SRPX2: variants seen among roughly 807,000 people sequenced by gnomAD.
SRPX2 encodes the protein sushi repeat-containing protein SRPX2.
SRPX2 carries 26 observed loss-of-function variants against 45.3 expected under a neutral mutation model. That is an observed-to-expected ratio of 0.57 (90% CI 0.42 to 0.80). The LOEUF (loss-of-function observed/expected upper bound fraction) is 0.80, where lower values mean the gene tolerates loss of function less well. Among genes scored for constraint, SRPX2 ranks in the 30% least tolerant of loss-of-function variants. The pLI is 0.00. For missense variants in SRPX2, 355 were observed against 399.8 expected (o/e 0.89, Z 0.95); for synonymous variants, 125 against 143.7 (o/e 0.87, Z 0.93).
In SRPX2 at chrX:100,666,865, G is replaced by T; in HGVS notation, c.893G>T (p.Arg298Leu). ...TACCACTGTGATGGCGGTTATGATCGCCAGGGGACACCCTCCCGGGTCTGT... is the reference window on the plus strand; with the variant it reads ...TACCACTGTGATGGCGGTTATGATCTCCAGGGGACACCCTCCCGGGTCTGT... The part of the protein sequence containing the change: ...CEYHCDGGYD[R>L]QGTPSRVCQS... Residue 298 changes from arginine to leucine, a missense_variant, in exon 8 of 11, where the codon CGC becomes CTC. Arg to Leu is a moderately radical substitution (Grantham distance 102). Coordinates refer to ENST00000373004, the MANE Select transcript of SRPX2 (RefSeq NM_014467.3). The T allele has an allele frequency of 8.3e-7, 1 of 1,211,592 alleles. No individual in the cohort carries two copies. Among genetic ancestry groups the T allele is most frequent in the Non-Finnish European group, 1.1e-6 (1 of 895,537 alleles).
rs1425478165 is a variant in SRPX2 at position 100,656,861 on chromosome X, G to A, written c.164-5315G>A. Among the ~76,000 whole-genome samples, 4 of 110,901 alleles carry A rather than the reference G, an allele frequency of 3.6e-5. No individual in the cohort carries two copies. In the East Asian group the frequency reaches 1.1e-3, roughly 31 times the overall value. On this transcript the variant is annotated intron_variant, in intron 3 of 10. Transcript: ENST00000373004. ...AGTGGGACTGCTGAATCATACGGTA[G>A]TGCTAGTTCCCTCCCTCCCTTCCTT... is the stretch of plus-strand genomic sequence containing the variant.
rs2083134706 is a variant in SRPX2 at position 100,646,116 on chromosome X, A to G, written c.-130-77A>G. The G allele has an allele frequency of 9.2e-6, 4 of 433,776 alleles. No homozygotes were observed. In the South Asian group the frequency reaches 1.0e-4, roughly 11 times the overall value. 35.7% of individuals were successfully genotyped at this position (433,776 alleles called of 1,213,427 possible). ...ATAACAAACAGAGTCTTGTTATTCTATAACATGAAAGATCCTTATGAGGGA... is the reference window on the plus strand; with the variant it reads ...ATAACAAACAGAGTCTTGTTATTCTGTAACATGAAAGATCCTTATGAGGGA... On this transcript the variant is annotated intron_variant, in intron 1 of 10. Coordinates refer to ENST00000373004, the MANE Select transcript of SRPX2 (RefSeq NM_014467.3).
chrX:100,653,165 C>T (rs1569358940), intron 3 of SRPX2, among the ~76,000 whole-genome samples: 1 of 111,350 alleles, frequency 9.0e-6, no homozygotes, highest in Non-Finnish European at 1.9e-5. Flanking sequence ...TCAACCCTGA[C>T]CTGTCTCCTG....
chrX:100,650,776 T>A lies in SRPX2; in HGVS notation c.83-9T>A. The stretch of plus-strand genomic sequence containing the variant: ...AGACACCATTTTGATATTGTCTTCC[T>A]TATTCTAGGTTCTGGCTACTATCCG... On this transcript the variant is annotated splice_polypyrimidine_tract_variant and intron_variant, in intron 2 of 10. Coordinates refer to ENST00000373004, the MANE Select transcript of SRPX2 (RefSeq NM_014467.3). 8.3e-7 allele frequency: 1 copy of A among 1,204,723 alleles called. No homozygotes were observed. The highest frequency in any genetic ancestry group is 1.1e-6 in the Non-Finnish European group (1 of 889,235).
intron 3 of SRPX2, among the ~76,000 whole-genome samples, chrX:100,659,516 A>G (rs1377213650): frequency 1.8e-5 from 2 of 111,806 alleles, no homozygotes; most frequent in Non-Finnish European, 3.8e-5. Flanking sequence ...AGCCTGCCAA[A>G]TAAGGTCTTT....
At chrX:100,657,330 C>T (rs1276703772) in intron 3 of SRPX2, among the ~76,000 whole-genome samples, 57 of 63,209 alleles carry the variant, frequency 9.0e-4, no homozygotes, top group Non-Finnish European at 1.6e-3. Flanking sequence ...GCATCCTGGC[C>T]GGCATCTGTT....
rs765347728 is a variant in SRPX2, at chrX:100,665,541, C to A, written c.665C>A (p.Thr222Lys). Residue 222 changes from threonine (T) to lysine (K), a missense_variant, in exon 7 of 11, where the codon ACA (threonine) becomes AAA (lysine). Thr to Lys is a moderately conservative substitution (Grantham distance 78). Coordinates refer to ENST00000373004, the MANE Select transcript of SRPX2 (RefSeq NM_014467.3). Reference protein sequence around the residue: ...DSADGTITRVTLRGPEPGSHF... With the variant: ...DSADGTITRVKLRGPEPGSHF... Reference sequence around the variant, plus strand: ...TTTCACCCTGTCCCATGCAGGGTGACACTTCGGGGCCCTGAGCCTGGCTCT... The same window carrying A: ...TTTCACCCTGTCCCATGCAGGGTGAAACTTCGGGGCCCTGAGCCTGGCTCT... 1 of 1,210,475 alleles carries A rather than the reference C, an allele frequency of 8.3e-7. No homozygotes were observed. Among genetic ancestry groups the A allele is most frequent in the Admixed American group, 2.2e-5 (1 of 45,843 alleles).
rs3086931 is a variant in SRPX2, at chrX:100,669,769, CT to C, written c.1217+420del. On this transcript the variant is annotated intron_variant, in intron 10 of 10. Coordinates refer to ENST00000373004, the MANE Select transcript of SRPX2 (RefSeq NM_014467.3). ...CAGTCTCCAAAGGAGCAAAAGCCAT[CT>C]TTTTTTTTTTTTTTTTTTTGAGACA... Among the ~76,000 whole-genome samples the C allele has an allele frequency of 2.4e-3, 150 of 61,659 alleles. 2 individuals are homozygous for C. Among genetic ancestry groups the C allele is most frequent in the African/African-American group, 8.7e-3 (142 of 16,376 alleles). 53.5% of individuals were successfully genotyped at this position (61,659 alleles called of 115,157 possible).
At chrX:100,648,990 G>A (rs3788737) in intron 2 of SRPX2, among the ~76,000 whole-genome samples, 7,081 of 112,007 alleles carry the variant, frequency 0.063, 365 homozygotes, top group African/African-American at 0.16. Context: ...CTGTTTCTTC[G>A]GCTTTATATT....
chrX:100,670,791 G>A lies in SRPX2; in HGVS notation c.1218-16G>A, dbSNP rs776191549. ...CCCAGACAAGGTCTCATACCTCCCT[G>A]GGCTGTTCTCTCTAGGCAATTTCAG... On this transcript the variant is annotated splice_polypyrimidine_tract_variant and intron_variant, in intron 10 of 10. Coordinates refer to ENST00000373004, the MANE Select transcript of SRPX2 (RefSeq NM_014467.3). 6 of 1,210,838 alleles carry A rather than the reference G, an allele frequency of 5.0e-6. No homozygotes were observed. The highest frequency in any genetic ancestry group is 6.7e-6 in the Non-Finnish European group (6 of 895,155).
chrX:100,657,347 G>GTTTTTTTTTTTTTTTTTT (rs1569359823), intron 3 of SRPX2, among the ~76,000 whole-genome samples: 1 of 11,652 alleles, frequency 8.6e-5, no homozygotes. Context: ...TGTTATTTAT[G>GTTTTTTTTTTTTTTTTTT]TCTTTTTTTT....
rs1167411474 is a variant in SRPX2 at position 100,671,673 on chromosome X, C to T, written c.*686C>T. On this transcript the variant is annotated 3_prime_UTR_variant, in exon 11 of 11. Coordinates refer to ENST00000373004, the MANE Select transcript of SRPX2 (RefSeq NM_014467.3). ...CAGGATGGTCTCTATCTCCTGACCT[C>T]GCGATCCACCCGCCTCGGCCTCCCA... 1 of 112,064 alleles carries T rather than the reference C, an allele frequency of 8.9e-6. No homozygotes were observed. Among genetic ancestry groups the T allele is most frequent in the Non-Finnish European group, 1.9e-5 (1 of 53,649 alleles). 9.2% of individuals were successfully genotyped at this position (112,064 alleles called of 1,213,427 possible).
rs1425651885 is a variant in SRPX2, at chrX:100,665,562, G to A, written c.686G>A (p.Gly229Asp). The change falls in exon 7 of 11, where the codon GGC (glycine) becomes GAC (aspartate). Residue 229 changes from glycine to aspartate, a missense_variant. Coordinates refer to ENST00000373004, the MANE Select transcript of SRPX2 (RefSeq NM_014467.3). ...GTGACACTTCGGGGCCCTGAGCCTG[G>A]CTCTCACTTTCCCGAAGGAGAGCAT... ...TRVTLRGPEP[G>D]SHFPEGEHVI... The A allele has an allele frequency of 8.3e-7, 1 of 1,211,894 alleles. No individual in the cohort carries two copies. Among genetic ancestry groups the A allele is most frequent in the South Asian group, 1.8e-5 (1 of 56,987 alleles).
In SRPX2 at chrX:100,672,644, C is replaced by T. The variant is rs2083232164; in HGVS notation, c.*1657C>T. ...TCTTAGACATTATGCCATCCTGACG[C>T]TACTTCTTTTCCTACTTTCCATTTA... On this transcript the variant is annotated 3_prime_UTR_variant, in exon 11 of 11. Transcript: ENST00000373004. 1 of 112,087 alleles carries T rather than the reference C, an allele frequency of 8.9e-6. No individual in the cohort carries two copies. Among genetic ancestry groups the T allele is most frequent in the African/African-American group, 3.2e-5 (1 of 30,830 alleles). The allele number at this position is 112,087 out of a possible 1,213,427, so 9.2% of individuals were successfully genotyped here.
chrX:100,666,997 C>T, intron 8 of SRPX2, 64 bp downstream of exon 8: 1 of 1,158,695 alleles, frequency 8.6e-7, no homozygotes, highest in Non-Finnish European at 1.2e-6. Context: ...GAGGATCTTC[C>T]TCATGGACAG....
chrX:100,650,425 A>T (rs2083149022), intron 2 of SRPX2, among the ~76,000 whole-genome samples: 1 of 111,922 alleles, frequency 8.9e-6, no homozygotes, highest in African/African-American at 3.3e-5. Flanking sequence ...ATTAGTCCCC[A>T]GTGTCTTACC....
Position 100,644,232 on chromosome X carries a change from GT to G in SRPX2, c.-412del, listed in dbSNP as rs1174936526. 8.9e-6 allele frequency: 1 copy of G among 111,943 alleles called. No homozygotes were observed. The highest frequency in any genetic ancestry group is 3.2e-5 in the African/African-American group (1 of 30,770). 9.2% of individuals were successfully genotyped at this position (111,943 alleles called of 1,213,427 possible). On this transcript the variant is annotated 5_prime_UTR_variant, in exon 1 of 11. Coordinates refer to ENST00000373004, the MANE Select transcript of SRPX2 (RefSeq NM_014467.3). ...CCCTCTTCTGCAGCAGACGGACTGA[GT>G]TCCTCTAATCCCTGTGTTCCTTCTC...
chrX:100,667,043 G>A, intron 8 of SRPX2, 110 bp downstream of exon 8: 1 of 1,065,508 alleles, frequency 9.4e-7, no homozygotes, highest in South Asian at 2.0e-5. Flanking sequence ...TGGGAAAGGG[G>A]GGTTCTGGGA....
Position 100,666,872 on chromosome X carries a change from G to A in SRPX2, c.900G>A (p.Gly300=). ...GTGATGGCGGTTATGATCGCCAGGGGACACCCTCCCGGGTCTGTCAGTCCA... is the reference window on the plus strand; with the variant it reads ...GTGATGGCGGTTATGATCGCCAGGGAACACCCTCCCGGGTCTGTCAGTCCA... The part of the protein sequence containing the change: ...YHCDGGYDRQ[G]TPSRVCQSSR... Residue 300 remains glycine, a synonymous_variant, in exon 8 of 11, where the codon GGG becomes GGA. Transcript: ENST00000373004. 1 of 1,211,600 alleles carries A rather than the reference G, an allele frequency of 8.3e-7. No individual in the cohort carries two copies. Among genetic ancestry groups the A allele is most frequent in the Non-Finnish European group, 1.1e-6 (1 of 895,542 alleles).
Sources: allele counts gnomAD v4.1 joint callset (sites outside exome capture counted in the v4.1 genomes callset), GRCh38; gene constraint gnomAD v4.1.1; transcripts MANE v1.5; gene names NCBI Gene and HGNC (gene_info 2026-07-23, HGNC 2026-07-21).